Variants in SYNDIG1 observed in about 807,000 individuals in gnomAD.
SYNDIG1 encodes synapse differentiation-inducing gene protein 1.
A neutral mutation model predicts 19.4 loss-of-function variants in SYNDIG1; 9 were observed. That is an observed-to-expected ratio of 0.46 (90% CI 0.28 to 0.81). SYNDIG1 has a LOEUF of 0.81. Ranked by LOEUF, SYNDIG1 falls within the 30% of genes least tolerant of loss-of-function variation. SYNDIG1 has a pLI of 0.12. For missense variants in SYNDIG1, 311 were observed against 343.3 expected, an observed-to-expected ratio of 0.91 and a Z score of 0.74; for synonymous variants, 141 against 145.9, an observed-to-expected ratio of 0.97 and a Z score of 0.24.
intron 1 of SYNDIG1, among the ~76,000 whole-genome samples, chr20:24,506,165 A>G (rs571009073): frequency 1.3e-5 from 2 of 152,350 alleles, no homozygotes; most frequent in South Asian, 4.1e-4. Flanking sequence ...AGGAATTTCC[A>G]TGAATGTGAA....
In SYNDIG1 at chr20:24,511,420, A is replaced by G. The variant is rs1319753537; in HGVS notation, c.-78-31600A>G. Among the ~76,000 whole-genome samples, 6 of 152,160 alleles carry G rather than the reference A, an allele frequency of 3.9e-5. No individual in the cohort carries two copies. In the East Asian group the frequency reaches 7.7e-4, roughly 20 times the overall value. ...ATAGAACTTTCCCAGCACCAGGCCA[A>G]TGGGACCACCCCATGTTTTCCCTCA... On this transcript the variant is annotated intron_variant, in intron 1 of 3. Coordinates refer to ENST00000376862, the MANE Select transcript of SYNDIG1 (RefSeq NM_024893.3).
chr20:24,494,903 T>G (rs2056257001), intron 1 of SYNDIG1, among the ~76,000 whole-genome samples: 1 of 152,110 alleles, frequency 6.6e-6, no homozygotes, highest in East Asian at 1.9e-4. Context: ...GCCCTCTGAG[T>G]TTTTGCATTA....
intron 3 of SYNDIG1, among the ~76,000 whole-genome samples, chr20:24,648,619 G>A (rs1011502195): frequency 6.6e-6 from 1 of 152,250 alleles, no homozygotes; most frequent in Admixed American, 6.5e-5. Flanking sequence ...GGCCAGCAGG[G>A]CCAGCAGGGA....
At chr20:24,614,226 A>G (rs536041203) in intron 3 of SYNDIG1, among the ~76,000 whole-genome samples, 1 of 150,382 alleles carries the variant, frequency 6.6e-6, no homozygotes, top group South Asian at 2.1e-4. Flanking sequence ...CTGGTCTTGA[A>G]CTCTTGGGCT....
intron 3 of SYNDIG1, among the ~76,000 whole-genome samples, chr20:24,621,231 A>G (rs1449202548): frequency 1.3e-5 from 2 of 152,264 alleles, no homozygotes; most frequent in South Asian, 2.1e-4. Flanking sequence ...GCATTTGCTA[A>G]TCTTCCACAT....
At chr20:24,595,686 C>T (rs1290306548) in intron 3 of SYNDIG1, among the ~76,000 whole-genome samples, 1 of 152,164 alleles carries the variant, frequency 6.6e-6, no homozygotes, top group Non-Finnish European at 1.5e-5. Context: ...TTGGCCTTTT[C>T]AGGGGTTCAA....
rs369873670 is a variant in SYNDIG1, at chr20:24,543,562, G to C, written c.465G>C (p.Glu155Asp). ...CCTACGATGTGGAGGAGGAGGAGGAGTTCCAGGAGCTGGAGGTCACAGGAT... is the reference window on the plus strand; with the variant it reads ...CCTACGATGTGGAGGAGGAGGAGGACTTCCAGGAGCTGGAGGTCACAGGAT... ...TLSYDVEEEE[E>D]FQELESDYSS... The change falls in exon 2 of 4, where the codon GAG becomes GAC. Residue 155 changes from glutamate to aspartate, a missense_variant. Physicochemically the swap from Glu to Asp is conservative, Grantham distance 45. Transcript: ENST00000376862. 4 of 1,600,678 alleles carry C rather than the reference G, an allele frequency of 2.5e-6. No homozygotes were observed. Among genetic ancestry groups the C allele is most frequent in the Middle Eastern group, 1.7e-4 (1 of 6,058 alleles).
intron 3 of SYNDIG1, among the ~76,000 whole-genome samples, chr20:24,641,690 C>T (rs1022500003): frequency 1.3e-5 from 2 of 152,132 alleles, no homozygotes; most frequent in Non-Finnish European, 2.9e-5. Context: ...GCTGGGCCGG[C>T]CTATACCAAA....
intron 3 of SYNDIG1, among the ~76,000 whole-genome samples, chr20:24,655,481 A>G (rs1028439114): frequency 9.2e-5 from 14 of 152,250 alleles, no homozygotes; most frequent in Non-Finnish European, 4.4e-5. Context: ...TGATAAATCA[A>G]GAAATTAAAT....
In SYNDIG1 at chr20:24,659,606, T is replaced by C. The variant is rs149646998; in HGVS notation, c.619-5740T>C. On this transcript the variant is annotated intron_variant, in intron 3 of 3. Coordinates refer to ENST00000376862, the MANE Select transcript of SYNDIG1 (RefSeq NM_024893.3). ...AAGCTGTGGCCCGGAAGATGAATAG[T>C]GTTAAAACAGTGACGGGTGATGAAA... Among the ~76,000 whole-genome samples the C allele has an allele frequency of 2.8e-3, 433 of 152,264 alleles. 2 individuals carry two copies. Among genetic ancestry groups the C allele is most frequent in the Non-Finnish European group, 5.3e-3 (358 of 68,014 alleles).
At chr20:24,590,197 G>C (rs1160437442) in intron 3 of SYNDIG1, among the ~76,000 whole-genome samples, 3 of 152,132 alleles carry the variant, frequency 2.0e-5, no homozygotes, top group African/African-American at 7.2e-5. Flanking sequence ...GCCAGGGGGA[G>C]CCCTTGGGGA....
intron 2 of SYNDIG1, among the ~76,000 whole-genome samples, chr20:24,547,647 G>A (rs752545192): frequency 6.6e-5 from 10 of 152,160 alleles, no homozygotes; most frequent in Non-Finnish European, 7.3e-5. Flanking sequence ...CCTGATGTCC[G>A]ACAGCCCAGG....
chr20:24,581,165 G>A (rs897687021), intron 2 of SYNDIG1, among the ~76,000 whole-genome samples: 1 of 152,094 alleles, frequency 6.6e-6, no homozygotes, highest in Non-Finnish European at 1.5e-5. Context: ...AGAGCCCTGG[G>A]TGCGCAGCTG....
intron 3 of SYNDIG1, among the ~76,000 whole-genome samples, chr20:24,603,341 G>A (rs1420795144): frequency 6.6e-6 from 1 of 152,136 alleles, no homozygotes. Flanking sequence ...CCAACCCATG[G>A]GGACTTCTGG....
chr20:24,627,955 G>A (rs1010069977), intron 3 of SYNDIG1, among the ~76,000 whole-genome samples: 3 of 152,344 alleles, frequency 2.0e-5, no homozygotes, highest in African/African-American at 7.2e-5. Flanking sequence ...TCTCTGAGCT[G>A]TGGCAGTATC....
At chr20:24,540,369 A>C (rs1480309752) in intron 1 of SYNDIG1, among the ~76,000 whole-genome samples, 2 of 151,886 alleles carry the variant, frequency 1.3e-5, no homozygotes, top group Non-Finnish European at 2.9e-5. Context: ...AGTGCCTTTT[A>C]TTTCTTTTTC....
chr20:24,596,472 G>A (rs551022991), intron 3 of SYNDIG1, among the ~76,000 whole-genome samples: 186 of 151,982 alleles, frequency 1.2e-3, no homozygotes, highest in Middle Eastern at 0.01. Flanking sequence ...TCCATCTCCC[G>A]GGTTCAAGCA....
chr20:24,543,602 C>T (rs1600574754), intron 2 of SYNDIG1, 25 bp downstream of exon 2: 1 of 1,588,824 alleles, frequency 6.3e-7, no homozygotes, highest in South Asian at 1.1e-5. Context: ...TTGTCAGAGG[C>T]CCTCTAAGAA....
rs572665609 is a variant in SYNDIG1, at chr20:24,477,424, C to T, written c.-79+7671C>T. 5.1e-4 allele frequency among the ~76,000 whole-genome samples: 77 copies of T among 152,240 alleles called. 1 individual carries two copies. Among genetic ancestry groups the T allele is most frequent in the African/African-American group, 1.8e-3 (73 of 41,554 alleles). On this transcript the variant is annotated intron_variant, in intron 1 of 3. Coordinates refer to ENST00000376862, the MANE Select transcript of SYNDIG1 (RefSeq NM_024893.3). ...CTGCATCCCATTGATTGTCTTCAGT[C>T]ACCTATCTGTCCCACCCAGAGTCTG... is the stretch of plus-strand genomic sequence containing the variant.
Sources: gnomAD v4.1 joint callset for allele counts (sites outside exome capture counted in the v4.1 genomes callset) on GRCh38, gnomAD v4.1.1 for gene constraint, MANE v1.5 for transcripts, NCBI Gene and HGNC (gene_info 2026-07-23, HGNC 2026-07-21) for gene names.